SSH2: variants seen among roughly 807,000 people sequenced by gnomAD.
The protein encoded by SSH2 is slingshot protein phosphatase 2.
SSH2 carries 37 observed loss-of-function variants against 135.2 expected under a neutral mutation model. The ratio of observed to expected loss-of-function variants is 0.27; its 90% CI spans 0.21 to 0.36. The LOEUF (loss-of-function observed/expected upper bound fraction) is 0.36, where lower values mean the gene tolerates loss of function less well. Ranked by LOEUF, SSH2 falls within the 10% of genes least tolerant of loss-of-function variation. The pLI is 1.00. For synonymous variants in SSH2, 628 were observed against 646.2 expected, an observed-to-expected ratio of 0.97 and a Z score of 0.43; for missense variants, 1,408 against 1,765.3, an observed-to-expected ratio of 0.80 and a Z score of 3.63.
In SSH2 at chr17:29,793,979, T is replaced by C. The variant is rs573898414; in HGVS notation, c.145-42A>G. 9.9e-6 allele frequency: 14 copies of C among 1,410,220 alleles called. No individual in the cohort carries two copies. The South Asian group carries it at 1.7e-4, about 17-fold the overall frequency. 87.4% of individuals were successfully genotyped at this position (1,410,220 alleles called of 1,614,324 possible). On this transcript the variant is annotated intron_variant, in intron 2 of 15. Transcript: ENST00000540801. ...TGAAAAAAAAAATTAAAACCTGAGG[T>C]TTCATATCATAATATCACTAATATA...
At chr17:29,701,404 CTT>C (rs55721735) in intron 4 of SSH2, among the ~76,000 whole-genome samples, 37,984 of 88,784 alleles carry the variant, frequency 0.43, 5,997 homozygotes, top group East Asian at 0.55. Context: ...GTGCCTGGCT[CTT>C]TTTTTTTTTT....
intron 5 of SSH2, among the ~76,000 whole-genome samples, chr17:29,693,479 T>G (rs1463531907): frequency 6.6e-6 from 1 of 150,512 alleles, no homozygotes; most frequent in Non-Finnish European, 1.5e-5. Flanking sequence ...ACCTGGCTAA[T>G]TTTTGTATTT....
intron 2 of SSH2, among the ~76,000 whole-genome samples, chr17:29,841,059 G>GA (rs893113339): frequency 2.0e-5 from 3 of 152,170 alleles, no homozygotes; most frequent in African/African-American, 7.2e-5. Flanking sequence ...AAGAAGTCAG[G>GA]AAAGTGGTTA....
At chr17:29,808,923 A>G (rs1200728015) in intron 2 of SSH2, among the ~76,000 whole-genome samples, 1 of 152,150 alleles carries the variant, frequency 6.6e-6, no homozygotes, top group Admixed American at 6.5e-5. Flanking sequence ...AAAGTACTAT[A>G]AACTCCTTTT....
At chr17:29,892,057 C>A (rs1346035591) in intron 1 of SSH2, among the ~76,000 whole-genome samples, 1 of 149,378 alleles carries the variant, frequency 6.7e-6, no homozygotes, top group Non-Finnish European at 1.5e-5. Context: ...TTTTTTCTTT[C>A]TTTTCTTTCT....
chr17:29,925,881 T>C (rs2067054906), intron 1 of SSH2, among the ~76,000 whole-genome samples: 1 of 152,150 alleles, frequency 6.6e-6, no homozygotes, highest in South Asian at 2.1e-4. Flanking sequence ...TTTTGTCCAT[T>C]AAAAGTTAAT....
rs1220301660 is a variant in SSH2 at position 29,630,840 on chromosome 17, A to G, written c.*1T>C. ...AGAAAGTCACATGTGTAGGCTCAGA[A>G]TCACATGGTATTATAGAAGGGGTTG... On this transcript the variant is annotated 3_prime_UTR_variant, in exon 16 of 16. Coordinates refer to ENST00000540801, the MANE Select transcript of SSH2 (RefSeq NM_001282129.2). 6.5e-7 allele frequency: 1 copy of G among 1,530,502 alleles called. No individual in the cohort carries two copies. Among genetic ancestry groups the G allele is most frequent in the South Asian group, 1.3e-5 (1 of 78,220 alleles). The allele number at this position is 1,530,502 out of a possible 1,614,324, so 94.8% of individuals were successfully genotyped here.
chr17:29,792,822 A>G (rs563722552), intron 3 of SSH2, among the ~76,000 whole-genome samples: 49 of 152,234 alleles, frequency 3.2e-4, no homozygotes, highest in Middle Eastern at 6.8e-3. Flanking sequence ...GACTACAGGC[A>G]CCCGCCACCA....
chr17:29,910,024 C>T (rs2151471837), intron 1 of SSH2, among the ~76,000 whole-genome samples: 1 of 152,352 alleles, frequency 6.6e-6, no homozygotes, highest in South Asian at 2.1e-4. Flanking sequence ...CAGCTAACTG[C>T]AGCCTCAACC....
At chr17:29,763,341 A>G (rs1204149457) in intron 3 of SSH2, among the ~76,000 whole-genome samples, 2 of 152,188 alleles carry the variant, frequency 1.3e-5, no homozygotes, top group Non-Finnish European at 2.9e-5. Flanking sequence ...AAATGTTTGA[A>G]AGATTTATTC....
intron 12 of SSH2, among the ~76,000 whole-genome samples, chr17:29,653,786 C>A (rs767208846): frequency 6.6e-6 from 1 of 152,116 alleles, no homozygotes; most frequent in African/African-American, 2.4e-5. Context: ...CAGGGTTTCA[C>A]CATGTTAGCC....
At chr17:29,683,803 G>T (rs1294302789) in intron 6 of SSH2, among the ~76,000 whole-genome samples, 1 of 152,042 alleles carries the variant, frequency 6.6e-6, no homozygotes, top group Non-Finnish European at 1.5e-5. Context: ...CAAATAGCTG[G>T]GTATGGTGGT....
intron 2 of SSH2, among the ~76,000 whole-genome samples, chr17:29,811,162 A>T (rs909624187): frequency 6.6e-6 from 1 of 152,044 alleles, no homozygotes; most frequent in Admixed American, 6.6e-5. Flanking sequence ...CACCTGGCTA[A>T]TTTTTGTATT....
intron 3 of SSH2, among the ~76,000 whole-genome samples, chr17:29,720,339 T>A (rs958737153): frequency 6.6e-6 from 1 of 152,244 alleles, no homozygotes; most frequent in Admixed American, 6.5e-5. Context: ...GAACTCCATC[T>A]GCAAAACAAC....
intron 2 of SSH2, among the ~76,000 whole-genome samples, chr17:29,840,645 A>T (rs2043024310): frequency 6.6e-6 from 1 of 152,192 alleles, no homozygotes; most frequent in Non-Finnish European, 1.5e-5. Context: ...CTTTTTCTCC[A>T]GAGCTGAAGT....
chr17:29,735,367 AG>A (rs2040330137), intron 3 of SSH2, among the ~76,000 whole-genome samples: 1 of 152,182 alleles, frequency 6.6e-6, no homozygotes, highest in South Asian at 2.1e-4. Context: ...GGAGTTGCAC[AG>A]GTTCTTCTGT....
Position 29,671,968 on chromosome 17 carries a change from T to C in SSH2, c.776A>G (p.His259Arg). ...EWNAMQDVQS[H>R]RPDSPALFTD... is the part of the protein sequence containing the mutation. ...GAAGAGAGCTGGAGAGTCGGGCCGGTGGGACTGTACATCTTGCATTGCATT... is the reference window on the plus strand; with the variant it reads ...GAAGAGAGCTGGAGAGTCGGGCCGGCGGGACTGTACATCTTGCATTGCATT... Residue 259 changes from histidine (H) to arginine (R), a missense_variant, in exon 9 of 16, where the codon CAC becomes CGC. His to Arg is a conservative substitution (Grantham distance 29, BLOSUM62 0). Transcript: ENST00000540801. The C allele has an allele frequency of 6.2e-7, 1 of 1,613,940 alleles. No homozygotes were observed. Among genetic ancestry groups the C allele is most frequent in the East Asian group, 2.2e-5 (1 of 44,878 alleles).
intron 3 of SSH2, among the ~76,000 whole-genome samples, chr17:29,714,905 C>T (rs1359610572): frequency 6.6e-6 from 1 of 152,014 alleles, no homozygotes; most frequent in Admixed American, 6.6e-5. Context: ...CTTGCCCTAT[C>T]ACCCAGGCTG....
intron 1 of SSH2, among the ~76,000 whole-genome samples, chr17:29,922,688 C>G (rs2066996731): frequency 6.6e-6 from 1 of 152,146 alleles, no homozygotes. Context: ...TTGGTGTGTG[C>G]TTATAATCCC....
Sources: gnomAD v4.1 joint callset for allele counts (sites outside exome capture counted in the v4.1 genomes callset) on GRCh38, gnomAD v4.1.1 for gene constraint, MANE v1.5 for transcripts, NCBI Gene and HGNC (gene_info 2026-07-23, HGNC 2026-07-21) for gene names.